Variants in TMEM132B observed in about 807,000 individuals in gnomAD.
TMEM132B encodes transmembrane protein 132B.
Under a neutral mutation model 90.8 loss-of-function variants are expected in TMEM132B, and 18 were observed. The observed-to-expected ratio is 0.20, with a 90% confidence interval of 0.14 to 0.29. The LOEUF (loss-of-function observed/expected upper bound fraction) is 0.29, where lower values mean the gene tolerates loss of function less well. Among genes scored for constraint, TMEM132B ranks in the 10% least tolerant of loss-of-function variants. The pLI is 1.00. For synonymous variants in TMEM132B, 504 were observed against 523.3 expected, an observed-to-expected ratio of 0.96 and a Z score of 0.50; for missense variants, 1,096 against 1,326.8, an observed-to-expected ratio of 0.83 and a Z score of 2.70.
At chr12:125,478,182 A>T (rs960999541) in intron 3 of TMEM132B, among the ~76,000 whole-genome samples, 5 of 152,218 alleles carry the variant, frequency 3.3e-5, no homozygotes, top group African/African-American at 1.2e-4. Flanking sequence ...AAAAGCTGAA[A>T]ATTCTAAAAA....
In TMEM132B at chr12:125,478,566, G is replaced by A. The variant is rs534652562; in HGVS notation, c.1107-40873G>A. ...CAAGAAGAGAAGTTTAGAGAAAAAA[G>A]AGTAAAAACAAATGAACAAAGCCTC... On this transcript the variant is annotated intron_variant, in intron 3 of 8. Transcript: ENST00000682704. 5.9e-5 allele frequency among the ~76,000 whole-genome samples: 9 copies of A among 152,266 alleles called. No individual in the cohort carries two copies. In the East Asian group the frequency reaches 1.7e-3, roughly 29 times the overall value.
At chr12:125,618,412 C>A (rs1014201409) in intron 5 of TMEM132B, among the ~76,000 whole-genome samples, 2 of 152,128 alleles carry the variant, frequency 1.3e-5, no homozygotes, top group Admixed American at 6.5e-5. Flanking sequence ...ATGTTGGTAG[C>A]CTGCCTCCCC....
intron 2 of TMEM132B, among the ~76,000 whole-genome samples, chr12:125,356,106 A>G (rs760778040): frequency 7.2e-5 from 11 of 152,114 alleles, no homozygotes; most frequent in Non-Finnish European, 1.0e-4. Context: ...TCCAAATATA[A>G]TATCTCTGGG....
At chr12:125,486,072 A>G (rs967750229) in intron 3 of TMEM132B, among the ~76,000 whole-genome samples, 3 of 152,174 alleles carry the variant, frequency 2.0e-5, no homozygotes, top group Admixed American at 6.6e-5. Context: ...ATAGACACTC[A>G]TAAGATTACC....
intron 3 of TMEM132B, among the ~76,000 whole-genome samples, chr12:125,435,970 G>C (rs960113982): frequency 2.6e-5 from 4 of 152,096 alleles, no homozygotes; most frequent in Non-Finnish European, 4.4e-5. Flanking sequence ...CTGCCCCTCG[G>C]TGCCCCACAG....
intron 1 of TMEM132B, among the ~76,000 whole-genome samples, chr12:125,300,098 C>A (rs766703341): frequency 1.3e-5 from 2 of 152,234 alleles, no homozygotes; most frequent in Non-Finnish European, 2.9e-5. Flanking sequence ...CCCCCAGATA[C>A]CTCCAGGCCT....
At chr12:125,351,864 C>A (rs1347428659) in intron 2 of TMEM132B, among the ~76,000 whole-genome samples, 2 of 152,204 alleles carry the variant, frequency 1.3e-5, no homozygotes, top group Non-Finnish European at 2.9e-5. Context: ...AAGTGAATTG[C>A]AGCTGCTGTC....
chr12:125,250,084 G>T (rs1874285829), intron 1 of TMEM132B, among the ~76,000 whole-genome samples: 1 of 152,242 alleles, frequency 6.6e-6, no homozygotes, highest in African/African-American at 2.4e-5. Context: ...AGTTGGCTCT[G>T]CGTCACCCTG....
rs1247694632 is a variant in TMEM132B at position 125,349,903 on chromosome 12, G to A, written c.519G>A (p.Arg173=). 3 of 1,614,248 alleles carry A rather than the reference G, an allele frequency of 1.9e-6. No homozygotes were observed. The highest frequency in any genetic ancestry group is 1.7e-5 in the Admixed American group (1 of 60,032). ...CVKMFAFPEA[R]EVAASCRLQG... is the part of the protein sequence containing the mutation. ...AGATGTTTGCTTTCCCTGAGGCCAG[G>A]GAAGTGGCAGCCAGCTGTCGGCTGC... Residue 173 remains arginine, a synonymous_variant, in exon 2 of 9, where the codon AGG becomes AGA. Coordinates refer to ENST00000682704, the MANE Select transcript of TMEM132B (RefSeq NM_001366854.1). This position sits in a 1 kb window ranked among gnomAD's most constrained non-coding sequence, Gnocchi z 4.1.
At chr12:125,619,729 G>A (rs1308780063) in intron 5 of TMEM132B, among the ~76,000 whole-genome samples, 1 of 152,156 alleles carries the variant, frequency 6.6e-6, no homozygotes, top group Admixed American at 6.5e-5. Context: ...CTATTCTGAA[G>A]AGCCTGACCA....
intron 5 of TMEM132B, among the ~76,000 whole-genome samples, chr12:125,589,292 C>T (rs1012425896): frequency 5.3e-5 from 8 of 151,788 alleles, no homozygotes; most frequent in Admixed American, 6.6e-5. Flanking sequence ...ACCATCCTGG[C>T]TAACACGGTG....
intron 1 of TMEM132B, among the ~76,000 whole-genome samples, chr12:125,340,691 G>C (rs1402559899): frequency 6.6e-6 from 1 of 152,258 alleles, no homozygotes; most frequent in Non-Finnish European, 1.5e-5. Context: ...TGGGAAGAAA[G>C]CACATTCAGG....
At chr12:125,625,773 G>T (rs140119292) in intron 5 of TMEM132B, among the ~76,000 whole-genome samples, 1,882 of 152,298 alleles carry the variant, frequency 0.012, 34 homozygotes, top group African/African-American at 0.042. Flanking sequence ...TACCAAAAAT[G>T]AATGAGAATT....
intron 3 of TMEM132B, among the ~76,000 whole-genome samples, chr12:125,515,908 A>C (rs1045353921): frequency 3.8e-4 from 43 of 113,336 alleles, no homozygotes; most frequent in African/African-American, 2.0e-3. Context: ...TTACACACAC[A>C]AACACATGTA....
At chr12:125,505,180 A>AAAAC (rs1882809667) in intron 3 of TMEM132B, among the ~76,000 whole-genome samples, 7 of 143,126 alleles carry the variant, frequency 4.9e-5, no homozygotes, top group South Asian at 2.4e-4. Context: ...AAAAAAAAAA[A>AAAAC]AAAAAAAAAA....
At chr12:125,652,844 T>C (rs926776452) in intron 8 of TMEM132B, among the ~76,000 whole-genome samples, 5 of 152,210 alleles carry the variant, frequency 3.3e-5, no homozygotes, top group African/African-American at 1.2e-4. Context: ...GCTGACCACA[T>C]CCTTATACGC....
intron 1 of TMEM132B, among the ~76,000 whole-genome samples, chr12:125,258,602 A>G (rs1165596581): frequency 1.3e-5 from 2 of 152,058 alleles, no homozygotes; most frequent in Non-Finnish European, 2.9e-5. Context: ...ACATAGCATC[A>G]CTTGTATGGC....
At chr12:125,364,457 T>A (rs7306383) in intron 2 of TMEM132B, among the ~76,000 whole-genome samples, 31,530 of 152,084 alleles carry the variant, frequency 0.21, 3,501 homozygotes, top group Middle Eastern at 0.27. Flanking sequence ...TCCATCTTAT[T>A]TTCTGATGTG....
intron 3 of TMEM132B, among the ~76,000 whole-genome samples, chr12:125,514,408 C>G (rs1369579231): frequency 6.6e-6 from 1 of 152,186 alleles, no homozygotes; most frequent in African/African-American, 2.4e-5. Context: ...CCCATTGTAT[C>G]TCCTGAGAGG....
Sources: gnomAD v4.1 joint callset for allele counts (sites outside exome capture counted in the v4.1 genomes callset) on GRCh38, gnomAD v4.1.1 for gene constraint, Gnocchi (gnomAD v3.1) non-coding constraint, MANE v1.5 for transcripts, NCBI Gene and HGNC (gene_info 2026-07-23, HGNC 2026-07-21) for gene names.